The following HPSE2 variants were observed in gnomAD, a reference collection of about 807,000 sequenced individuals.
HPSE2 encodes inactive heparanase-2.
In HPSE2, 38 loss-of-function variants were observed where a neutral mutation model predicts 60.5. The ratio of observed to expected loss-of-function variants is 0.63; its 90% CI spans 0.48 to 0.82. The LOEUF (loss-of-function observed/expected upper bound fraction) is 0.82. Ranked by LOEUF, HPSE2 falls within the 40% of genes least tolerant of loss-of-function variation. The pLI is 0.00. For synonymous variants in HPSE2, 295 were observed against 293.2 expected (o/e 1.01, Z -0.06); for missense variants, 713 against 740.4 (o/e 0.96, Z 0.43).
chr10:98,870,250 T>C (rs1309838106), intron 3 of HPSE2, among the ~76,000 whole-genome samples: 11 of 152,160 alleles, frequency 7.2e-5, no homozygotes, highest in Non-Finnish European at 1.6e-4. Flanking sequence ...CAAAGTTGAA[T>C]GTATAATTTA....
chr10:99,119,555 A>G (rs1844863640), intron 3 of HPSE2, among the ~76,000 whole-genome samples: 1 of 152,188 alleles, frequency 6.6e-6, no homozygotes, highest in African/African-American at 2.4e-5. Context: ...CCTTTAAACT[A>G]CCAATGGCAT....
At chr10:98,625,376 A>C (rs1946180016) in intron 7 of HPSE2, among the ~76,000 whole-genome samples, 1 of 152,236 alleles carries the variant, frequency 6.6e-6, no homozygotes, top group Middle Eastern at 3.2e-3. Context: ...TGATCTGAGA[A>C]GGAAAAGGAA....
At chr10:99,248,154 G>C in the HPSE2 span, among the ~76,000 whole-genome samples, 1 of 152,218 alleles carries the variant, frequency 6.6e-6, no homozygotes, top group Non-Finnish European at 1.5e-5. Context: ...AATGGGCAGA[G>C]GTTGGAACAG....
intron 2 of HPSE2, among the ~76,000 whole-genome samples, chr10:99,204,283 C>T (rs1848671464): frequency 6.6e-6 from 1 of 152,104 alleles, no homozygotes; most frequent in South Asian, 2.1e-4. Flanking sequence ...GTAACCAGGT[C>T]CCAGGCCCAC....
intron 6 of HPSE2, among the ~76,000 whole-genome samples, chr10:98,651,171 A>G (rs929993376): frequency 2.6e-5 from 4 of 152,212 alleles, no homozygotes; most frequent in African/African-American, 9.6e-5. Flanking sequence ...TTTTATGACA[A>G]TTGTCACTTC....
At chr10:98,817,650 T>C (rs144905064) in intron 3 of HPSE2, among the ~76,000 whole-genome samples, 16 of 152,170 alleles carry the variant, frequency 1.1e-4, no homozygotes, top group Non-Finnish European at 1.5e-4. Context: ...CCAACCTCTA[T>C]GTCCTACACT....
At chr10:98,781,537 A>G (rs1487501059) in intron 3 of HPSE2, among the ~76,000 whole-genome samples, 2 of 152,254 alleles carry the variant, frequency 1.3e-5, no homozygotes, top group Non-Finnish European at 2.9e-5. Flanking sequence ...ACACCTAAAT[A>G]GAAAAATTGG....
chr10:99,282,874 C>T, the HPSE2 span, among the ~76,000 whole-genome samples: 2 of 152,072 alleles, frequency 1.3e-5, no homozygotes, highest in Non-Finnish European at 2.9e-5. Flanking sequence ...AAATTTATAG[C>T]TATAAATGCC....
At chr10:99,283,837 G>C in the HPSE2 span, among the ~76,000 whole-genome samples, 1 of 152,180 alleles carries the variant, frequency 6.6e-6, no homozygotes, top group East Asian at 1.9e-4. Context: ...TCTAAAACAA[G>C]TAAGGAGATT....
chr10:98,547,414 A>C (rs1020908964), intron 9 of HPSE2, among the ~76,000 whole-genome samples: 1 of 151,044 alleles, frequency 6.6e-6, no homozygotes. Context: ...CCAAATGTCC[A>C]ACAATGATAG....
At chr10:98,881,610 T>G (rs1237467301) in intron 3 of HPSE2, among the ~76,000 whole-genome samples, 2 of 152,056 alleles carry the variant, frequency 1.3e-5, no homozygotes, top group Non-Finnish European at 2.9e-5. Flanking sequence ...TAATATAGAA[T>G]GAGAACTGTG....
intron 3 of HPSE2, among the ~76,000 whole-genome samples, chr10:99,138,658 C>T (rs1371913558): frequency 6.6e-5 from 10 of 152,094 alleles, no homozygotes; most frequent in African/African-American, 1.4e-4. Context: ...AACCAAACAC[C>T]GCATGTTCTC....
intron 5 of HPSE2, among the ~76,000 whole-genome samples, chr10:98,716,746 T>G (rs1356666374): frequency 3.3e-5 from 5 of 152,118 alleles, no homozygotes; most frequent in Non-Finnish European, 7.4e-5. Context: ...CTTTTGTACA[T>G]TTCCATCAGA....
intron 3 of HPSE2, among the ~76,000 whole-genome samples, chr10:99,069,618 C>G (rs1176132868): frequency 6.6e-6 from 1 of 150,688 alleles, no homozygotes; most frequent in Non-Finnish European, 1.5e-5. Flanking sequence ...ACAGTTAGAG[C>G]TATACAGTAC....
intron 3 of HPSE2, among the ~76,000 whole-genome samples, chr10:98,927,520 G>A (rs1227573118): frequency 3.4e-5 from 5 of 146,824 alleles, no homozygotes; most frequent in Admixed American, 7.0e-5. Context: ...AAAAGAGTCC[G>A]CATCACCAAG....
chr10:99,244,994 T>C, the HPSE2 span, among the ~76,000 whole-genome samples: 1 of 152,138 alleles, frequency 6.6e-6, no homozygotes, highest in Non-Finnish European at 1.5e-5. Flanking sequence ...CTAATACTTC[T>C]AGTCCTTTTC....
chr10:98,483,318 T>A (rs74371593), intron 10 of HPSE2, among the ~76,000 whole-genome samples: 1 of 152,162 alleles, frequency 6.6e-6, no homozygotes. Context: ...CATATTCCCA[T>A]GTGATTCTTT....
chr10:98,941,940 T>C (rs1479804718), intron 3 of HPSE2, among the ~76,000 whole-genome samples: 1 of 142,528 alleles, frequency 7.0e-6, no homozygotes, highest in African/African-American at 2.9e-5. Context: ...TCTACAGCTA[T>C]CTGATCTTTG....
At chr10:99,294,518 TTTA>T in the HPSE2 span, among the ~76,000 whole-genome samples, 2 of 149,052 alleles carry the variant, frequency 1.3e-5, no homozygotes, top group Non-Finnish European at 3.0e-5. Context: ...CTGCGCTATA[TTTA>T]TTATACTTTA....
Sources: allele counts gnomAD v4.1 joint callset (sites outside exome capture counted in the v4.1 genomes callset), GRCh38; gene constraint gnomAD v4.1.1; transcripts MANE v1.5; gene names NCBI Gene and HGNC (gene_info 2026-07-23, HGNC 2026-07-21).